EIF2AK4: variants seen among roughly 807,000 people sequenced by gnomAD.
EIF2AK4 encodes the protein eIF-2-alpha kinase GCN2.
A neutral mutation model predicts 211.1 loss-of-function variants in EIF2AK4; 139 were observed. The observed-to-expected ratio is 0.66, with a 90% CI of 0.57 to 0.76. The LOEUF (loss-of-function observed/expected upper bound fraction) is 0.76. Ranked by LOEUF, EIF2AK4 falls within the 30% of genes least tolerant of loss-of-function variation. EIF2AK4 has a pLI of 0.00. For synonymous variants in EIF2AK4, 710 were observed against 751.3 expected, an observed-to-expected ratio of 0.94 and a Z score of 0.90; for missense variants, 1,664 against 2,043.8, an observed-to-expected ratio of 0.81 and a Z score of 3.58.
chr15:39,948,875 G>A (rs544449809), intron 3 of EIF2AK4, among the ~76,000 whole-genome samples: 1 of 152,182 alleles, frequency 6.6e-6, no homozygotes, highest in Non-Finnish European at 1.5e-5. Context: ...GAAAAGTGAA[G>A]CTTTTTATTT....
Position 40,028,114 on chromosome 15 carries a change from C to T in EIF2AK4, c.4503-1292C>T, listed in dbSNP as rs187618376. Among the ~76,000 whole-genome samples the T allele has an allele frequency of 1.1e-3, 170 of 150,864 alleles. 1 individual carries two copies. Among genetic ancestry groups the T allele is most frequent in the African/African-American group, 3.8e-3 (156 of 41,072 alleles). On this transcript the variant is annotated intron_variant, in intron 33 of 38. Coordinates refer to ENST00000263791, the MANE Select transcript of EIF2AK4 (RefSeq NM_001013703.4). ...TTTTGAGATAGAGTCTCACTTTTGC[C>T]GAGGCTGAAGTGCAGTGGTGTATAC...
intron 15 of EIF2AK4, among the ~76,000 whole-genome samples, chr15:39,989,849 C>T (rs566730218): frequency 6.6e-5 from 10 of 152,164 alleles, no homozygotes; most frequent in African/African-American, 2.4e-4. Flanking sequence ...AATGAGTTGG[C>T]AATTGCAAAT....
At chr15:40,007,188 A>T in intron 24 of EIF2AK4, 123 bp downstream of exon 24, 2 of 906,422 alleles carry the variant, frequency 2.2e-6, no homozygotes, top group Non-Finnish European at 3.3e-6. Context: ...GGTTCAGAAT[A>T]TTGAGCTTAG....
rs149711477 is a variant in EIF2AK4 at position 39,980,348 on chromosome 15, C to G, written c.2319+2201C>G. Among the ~76,000 whole-genome samples, 30 of 152,244 alleles carry G rather than the reference C, an allele frequency of 2.0e-4. No individual in the cohort carries two copies. The East Asian group carries it at 5.6e-3, about 28-fold the overall frequency. On this transcript the variant is annotated intron_variant, in intron 13 of 38. Transcript: ENST00000263791. ...GAAAATCTATAATTAGTTCTACTTT[C>G]TAATAAAAAGTACATAAAAGTACAT...
chr15:39,954,902 CCTCA>C (rs1566984422), intron 5 of EIF2AK4, among the ~76,000 whole-genome samples: 3 of 152,226 alleles, frequency 2.0e-5, no homozygotes, highest in Non-Finnish European at 2.9e-5. Context: ...TTTCCTGCTG[CCTCA>C]CTTTGTGACC....
In EIF2AK4 at chr15:39,967,793, G is replaced by A. The variant is rs770155539; in HGVS notation, c.1467G>A (p.Leu489=). ...GDVWRLGLLL[L]SLSQGQECGE... Reference sequence around the variant, plus strand: ...TTTGGCGTCTTGGCCTTCTGCTGCTGTCCCTCAGCCAAGGACAGGAATGTG... The same window carrying A: ...TTTGGCGTCTTGGCCTTCTGCTGCTATCCCTCAGCCAAGGACAGGAATGTG... Residue 489 remains leucine (L), a synonymous_variant, in exon 9 of 39, where the codon CTG becomes CTA. Transcript: ENST00000263791. 3.1e-6 allele frequency: 5 copies of A among 1,614,090 alleles called. No homozygotes were observed. In the Admixed American group the frequency reaches 8.3e-5, roughly 27 times the overall value.
rs527610 is a variant in EIF2AK4, at chr15:39,943,793, A to G, written c.360+308A>G. The stretch of plus-strand genomic sequence containing the variant: ...AGCCTGAGCAAAATGGCGAGCACCT[A>G]TCTCTAAAAAAATTAACTGGGTGTG... On this transcript the variant is annotated intron_variant, in intron 3 of 38. Coordinates refer to ENST00000263791, the MANE Select transcript of EIF2AK4 (RefSeq NM_001013703.4). Among the ~76,000 whole-genome samples the G allele has an allele frequency of 0.41, 61,731 of 151,552 alleles. 14,794 individuals are homozygous for G. The highest frequency in any genetic ancestry group is 0.85 in the East Asian group (4,356 of 5,138).
At chr15:39,959,901 T>C (rs140275393) in intron 6 of EIF2AK4, among the ~76,000 whole-genome samples, 5,444 of 152,302 alleles carry the variant, frequency 0.036, 124 homozygotes, top group Non-Finnish European at 0.048. Context: ...TGGTGGCTCA[T>C]GCCTGTAATC....
chr15:39,958,879 C>T (rs1193581891), intron 6 of EIF2AK4, among the ~76,000 whole-genome samples: 3 of 151,902 alleles, frequency 2.0e-5, no homozygotes, highest in Non-Finnish European at 4.4e-5. Context: ...GAAAAATTGT[C>T]ATCTCTCTTC....
At position 39,985,911 on chromosome 15, in the gene EIF2AK4, G is replaced by T. The variant is rs760800182; in HGVS notation, c.2403+23G>T. The T allele has an allele frequency of 7.5e-6, 12 of 1,607,910 alleles. No individual in the cohort carries two copies. The Admixed American group carries it at 1.8e-4, about 25-fold the overall frequency. Reference sequence around the variant, plus strand: ...CAGGTGAGGTCGTGGTGTGTAGTTAGGTGACACAGCAACACCCAGTAGTGG... The same window carrying T: ...CAGGTGAGGTCGTGGTGTGTAGTTATGTGACACAGCAACACCCAGTAGTGG... On this transcript the variant is annotated intron_variant, in intron 14 of 38. Transcript: ENST00000263791.
At chr15:39,969,477 C>T (rs545257974) in intron 9 of EIF2AK4, among the ~76,000 whole-genome samples, 1 of 150,628 alleles carries the variant, frequency 6.6e-6, no homozygotes, top group Non-Finnish European at 1.5e-5. Context: ...TCTCCTGCCT[C>T]AGCCTCCTGA....
intron 33 of EIF2AK4, among the ~76,000 whole-genome samples, chr15:40,026,876 C>T (rs1186337489): frequency 6.6e-6 from 1 of 152,114 alleles, no homozygotes; most frequent in Non-Finnish European, 1.5e-5. Flanking sequence ...AGCAATTCCA[C>T]TTTCAGGAAT....
In EIF2AK4 at chr15:40,032,528, G is replaced by A. The variant is rs2291622; in HGVS notation, c.4729-229G>A. 0.13 allele frequency among the ~76,000 whole-genome samples: 20,278 copies of A among 152,190 alleles called. 2,541 individuals are homozygous for A. The highest frequency in any genetic ancestry group is 0.45 in the East Asian group (2,356 of 5,180). On this transcript the variant is annotated intron_variant, in intron 36 of 38. Coordinates refer to ENST00000263791, the MANE Select transcript of EIF2AK4 (RefSeq NM_001013703.4). ...GCTTACACCGAATACATGTAGCAGC[G>A]TCAGACCTTTCGGGTGTGGTGTAGA... is the stretch of plus-strand genomic sequence containing the variant.
rs1481660664 is a variant in EIF2AK4, at chr15:39,976,639, G to A, written c.2044G>A (p.Ala682Thr). Residue 682 changes from alanine to threonine, a missense_variant, in exon 12 of 39, where the codon GCA becomes ACA. This residue lies in a region of EIF2AK4 where 206 missense variants were observed against 201.9 expected (regional missense o/e 1.02). Coordinates refer to ENST00000263791, the MANE Select transcript of EIF2AK4 (RefSeq NM_001013703.4). ...SGPLAKDDRA[A>T]RGQPASDTDG... is the part of the protein sequence containing the mutation. ...GCCCCTGGCCAAGGATGACCGAGCTGCACGCGGGCAGCCGGCGAGCGACAC... is the reference window on the plus strand; with the variant it reads ...GCCCCTGGCCAAGGATGACCGAGCTACACGCGGGCAGCCGGCGAGCGACAC... 1.9e-6 allele frequency: 3 copies of A among 1,604,606 alleles called. No individual in the cohort carries two copies. The highest frequency in any genetic ancestry group is 2.5e-6 in the Non-Finnish European group (3 of 1,176,982).
At chr15:39,939,691 C>T (rs1397422700) in intron 2 of EIF2AK4, 74 bp downstream of exon 2, 14 of 1,264,252 alleles carry the variant, frequency 1.1e-5, no homozygotes, top group South Asian at 3.1e-5. Context: ...GATTGAAATT[C>T]GTAGTATTTT....
rs761483144 is a variant in EIF2AK4 at position 40,017,249 on chromosome 15, G to A, written c.4065+7G>A. The A allele has an allele frequency of 3.8e-6, 6 of 1,597,576 alleles. No individual in the cohort carries two copies. Among genetic ancestry groups the A allele is most frequent in the South Asian group, 1.1e-5 (1 of 90,166 alleles). ...AGGCAGATATGACCTGCTGGTGAGGGCTTGCCCTTTATTTATTTGCTCTGA... is the reference window on the plus strand; with the variant it reads ...AGGCAGATATGACCTGCTGGTGAGGACTTGCCCTTTATTTATTTGCTCTGA... On this transcript the variant is annotated splice_region_variant and intron_variant, in intron 29 of 38. Transcript: ENST00000263791.
rs375747318 is a variant in EIF2AK4 at position 40,001,074 on chromosome 15, A to G, written c.3009A>G (p.Pro1003=). Residue 1003 remains proline (P), a synonymous_variant, in exon 21 of 39, where the codon CCA becomes CCG. Coordinates refer to ENST00000263791, the MANE Select transcript of EIF2AK4 (RefSeq NM_001013703.4). ...TELLKSELLP[P]PQMEESELHE... The stretch of plus-strand genomic sequence containing the variant: ...TGCTCAAGAGTGAGCTGCTGCCCCC[A>G]CCCCAGATGGAGGAGTCAGAGCTGC... 2.5e-6 allele frequency: 4 copies of G among 1,613,998 alleles called. No homozygotes were observed. Among genetic ancestry groups the G allele is most frequent in the Non-Finnish European group, 3.4e-6 (4 of 1,179,980 alleles).
Position 40,003,456 on chromosome 15 carries a change from G to T in EIF2AK4, c.3357+142G>T, listed in dbSNP as rs577484897. The T allele has an allele frequency of 6.0e-6, 8 of 1,338,076 alleles. No homozygotes were observed. In the Admixed American group the frequency reaches 1.3e-4, roughly 21 times the overall value. The allele number at this position is 1,338,076 out of a possible 1,614,324, so 82.9% of individuals were successfully genotyped here. A position where few individuals can be genotyped will look rare whatever the true frequency, so the allele number is the denominator to read the frequency against. On this transcript the variant is annotated intron_variant, in intron 23 of 38. Transcript: ENST00000263791. The stretch of plus-strand genomic sequence containing the variant: ...GTATTCTTGAGGAAGTTGTCAGAGT[G>T]AGAGTGTTACTGGGGTGGAGGAAAT...
At position 40,035,106 on chromosome 15, in the gene EIF2AK4, CTCAT is replaced by C. The variant is rs775524935; in HGVS notation, c.*26_*29del. 6 of 1,499,150 alleles carry C rather than the reference CTCAT, an allele frequency of 4.0e-6. No individual in the cohort carries two copies. Among genetic ancestry groups the C allele is most frequent in the East Asian group, 4.6e-5 (2 of 43,524 alleles). 92.9% of individuals were successfully genotyped at this position (1,499,150 alleles called of 1,614,324 possible). ...TTAACCCTAAAGAACTGTCGTTAAC[CTCAT>C]TCAAACAGACAGAGGCTTATACTGG... On this transcript the variant is annotated 3_prime_UTR_variant, in exon 39 of 39. Transcript: ENST00000263791.
Sources: allele counts gnomAD v4.1 joint callset (sites outside exome capture counted in the v4.1 genomes callset), GRCh38; gene constraint gnomAD v4.1.1; regional missense constraint gnomAD v4.1.1; transcripts MANE v1.5; gene names NCBI Gene and HGNC (gene_info 2026-07-23, HGNC 2026-07-21).